The following PRICKLE2 variants were observed in gnomAD, a reference collection of about 807,000 sequenced individuals.
The protein encoded by PRICKLE2 is prickle planar cell polarity protein 2.
PRICKLE2 carries 21 observed loss-of-function variants against 81.4 expected under a neutral mutation model. That is an observed-to-expected ratio of 0.26 (90% CI 0.18 to 0.37). PRICKLE2 has a LOEUF of 0.37. Among genes scored for constraint, PRICKLE2 ranks in the 10% least tolerant of loss-of-function variants. PRICKLE2 has a pLI of 1.00. For synonymous variants in PRICKLE2, 456 were observed against 421.5 expected, an observed-to-expected ratio of 1.08 and a Z score of -1.00; for missense variants, 940 against 1,109.0, an observed-to-expected ratio of 0.85 and a Z score of 2.16.
At position 64,245,040 on chromosome 3, in the gene PRICKLE2, G is replaced by A. The variant is rs985649341; in HGVS notation, c.129-46073C>T. On this transcript the variant is annotated intron_variant, in intron 2 of 8. Transcript: ENST00000295902. ...GTGGAATTAAGTTATTTAGCCACTT[G>A]TTGTCAATAGGGTAAATTATTACTA... Among the ~76,000 whole-genome samples, 4 of 152,166 alleles carry A rather than the reference G, an allele frequency of 2.6e-5. No individual in the cohort carries two copies. In the East Asian group the frequency reaches 7.7e-4, roughly 29 times the overall value.
At chr3:64,207,969 G>A (rs2078719533) in intron 1 of PRICKLE2, among the ~76,000 whole-genome samples, 1 of 152,222 alleles carries the variant, frequency 6.6e-6, no homozygotes, top group South Asian at 2.1e-4. Context: ...TACTCCATCT[G>A]CTCTGTAGCC....
chr3:64,226,626 T>C (rs2079035592), upstream of PRICKLE2, among the ~76,000 whole-genome samples: 1 of 152,188 alleles, frequency 6.6e-6, no homozygotes, highest in South Asian at 2.1e-4. Flanking sequence ...CAATATCACA[T>C]ACTCAATAGC....
intron 3 of PRICKLE2, among the ~76,000 whole-genome samples, chr3:64,160,768 G>T (rs1479749086): frequency 6.6e-6 from 1 of 152,194 alleles, no homozygotes; most frequent in African/African-American, 2.4e-5. Context: ...GAACATTAAA[G>T]ATAATTTGAA....
rs1194581499 is a variant in PRICKLE2 at position 64,178,991 on chromosome 3, CTTT to C, written c.145-15865_145-15863del. 8.5e-4 allele frequency among the ~76,000 whole-genome samples: 123 copies of C among 144,644 alleles called. 1 individual carries two copies. The highest frequency in any genetic ancestry group is 3.3e-4 in the Non-Finnish European group (22 of 66,512). The allele number at this position is 144,644 out of a possible 152,430, so 94.9% of individuals were successfully genotyped here. On this transcript the variant is annotated intron_variant, in intron 2 of 7. Coordinates refer to ENST00000638394, the MANE Select transcript of PRICKLE2 (RefSeq NM_198859.4). ...TCTTTCTTTCTTTCTTTCTTTCTTTCTTTCTTTCTTTCTTTCTTTCTTTCTTTC... is the reference window on the plus strand; with the variant it reads ...TCTTTCTTTCTTTCTTTCTTTCTTTCCTTTCTTTCTTTCTTTCTTTCTTTC...
intron 2 of PRICKLE2, among the ~76,000 whole-genome samples, chr3:64,258,845 A>AAAAAAGAAAG (rs2079570108): frequency 8.8e-5 from 3 of 33,998 alleles, no homozygotes; most frequent in African/African-American, 3.9e-4. Context: ...AAAAAAAAAA[A>AAAAAAGAAAG]AAAGAAAGAA....
At chr3:64,106,436 C>T (rs1241001395) in intron 7 of PRICKLE2, among the ~76,000 whole-genome samples, 2 of 152,164 alleles carry the variant, frequency 1.3e-5, no homozygotes, top group South Asian at 2.1e-4. Context: ...GTATGACCTG[C>T]AAAGACTCAA....
intron 2 of PRICKLE2, among the ~76,000 whole-genome samples, chr3:64,184,779 G>T (rs1214524378): frequency 6.6e-6 from 1 of 152,176 alleles, no homozygotes; most frequent in Admixed American, 6.5e-5. Flanking sequence ...CACTGTTCCA[G>T]GCCAGAAGAG....
chr3:64,103,664 C>G (rs1288260604), intron 7 of PRICKLE2, among the ~76,000 whole-genome samples: 3 of 152,128 alleles, frequency 2.0e-5, no homozygotes, highest in Admixed American at 1.3e-4. Flanking sequence ...TAAATTATAT[C>G]TCAATAAAAT....
At chr3:64,216,622 C>G (rs2078875069) in intron 1 of PRICKLE2, among the ~76,000 whole-genome samples, 1 of 152,194 alleles carries the variant, frequency 6.6e-6, no homozygotes, top group African/African-American at 2.4e-5. Flanking sequence ...TTAAGCATTA[C>G]AAGGGCAAAC....
chr3:64,200,032 G>C (rs2078542554), intron 1 of PRICKLE2: 1 of 152,122 alleles, frequency 6.6e-6, no homozygotes, highest in African/African-American at 2.4e-5. Flanking sequence ...TACAATTCAT[G>C]GACTCTTAAT....
At chr3:64,199,023 A>G in intron 1 of PRICKLE2, 56 bp from the exon 2 acceptor site, 2 of 1,503,838 alleles carry the variant, frequency 1.3e-6, no homozygotes, top group Non-Finnish European at 1.8e-6. Context: ...TTTTTTTTCC[A>G]AGAGCCTGCC....
At chr3:64,191,160 G>A (rs1432679263) in intron 2 of PRICKLE2, among the ~76,000 whole-genome samples, 1 of 152,162 alleles carries the variant, frequency 6.6e-6, no homozygotes, top group South Asian at 2.1e-4. Context: ...AAAACCTTTT[G>A]AGAAGGCTGA....
chr3:64,098,968 G>T lies in PRICKLE2; in HGVS notation c.*83C>A, dbSNP rs542860269. The T allele has an allele frequency of 1.9e-6, 3 of 1,544,628 alleles. No homozygotes were observed. The highest frequency in any genetic ancestry group is 2.7e-6 in the Non-Finnish European group (3 of 1,119,382). On this transcript the variant is annotated 3_prime_UTR_variant, in exon 8 of 8. Transcript: ENST00000638394. ...TCTCCCCCATAAGCCACCCCCAAAA[G>T]CGCTTTAACATTTAAAACAGTGCAA...
rs1030395370 is a variant in PRICKLE2, at chr3:64,121,618, T to G, written c.1661-21693A>C. ...CTTTTGTTAGTCACAATTTTTTTTG[T>G]ATGAATTTTAATGCTTAAAATATTC... On this transcript the variant is annotated intron_variant, in intron 7 of 7. Coordinates refer to ENST00000638394, the MANE Select transcript of PRICKLE2 (RefSeq NM_198859.4). 2.0e-5 allele frequency among the ~76,000 whole-genome samples: 3 copies of G among 152,308 alleles called. No individual in the cohort carries two copies. The East Asian group carries it at 5.8e-4, about 29-fold the overall frequency.
chr3:64,243,199 A>G (rs1201511320), intron 2 of PRICKLE2, among the ~76,000 whole-genome samples: 5 of 152,204 alleles, frequency 3.3e-5, no homozygotes, highest in Non-Finnish European at 5.9e-5. Flanking sequence ...TAGAAAACAG[A>G]AAGTTTCAAT....
At chr3:64,245,439 C>G (rs1415926167) in intron 2 of PRICKLE2, among the ~76,000 whole-genome samples, 1 of 152,156 alleles carries the variant, frequency 6.6e-6, no homozygotes, top group African/African-American at 2.4e-5. Flanking sequence ...ACAGAGCATT[C>G]AGAGTACTCT....
chr3:64,223,542 A>G (rs696236), intron 1 of PRICKLE2, among the ~76,000 whole-genome samples: 122,964 of 152,100 alleles, frequency 0.81, 50,962 homozygotes, highest in South Asian at 0.92. Context: ...CACCATTTCA[A>G]ACAATGCTAT....
At chr3:64,259,394 G>C (rs2079583731) in intron 2 of PRICKLE2, among the ~76,000 whole-genome samples, 1 of 152,108 alleles carries the variant, frequency 6.6e-6, no homozygotes, top group African/African-American at 2.4e-5. Context: ...TGAGGGGTGA[G>C]GAAATAGGCC....
rs542190601 is a variant in PRICKLE2, at chr3:64,156,813, C to G, written c.600+349G>C. ...AGTGGCACTCCATTACTGATTATTC[C>G]ATGAGATTAGGGTTAATATCTAAAG... On this transcript the variant is annotated intron_variant, in intron 5 of 7. Transcript: ENST00000638394. 7.9e-5 allele frequency among the ~76,000 whole-genome samples: 12 copies of G among 152,260 alleles called. No homozygotes were observed. In the South Asian group the frequency reaches 2.3e-3, roughly 29 times the overall value.
Sources: gnomAD v4.1 joint callset for allele counts (sites outside exome capture counted in the v4.1 genomes callset) on GRCh38, gnomAD v4.1.1 for gene constraint, MANE v1.5 for transcripts, NCBI Gene and HGNC (gene_info 2026-07-23, HGNC 2026-07-21) for gene names.